Variants in TRRAP observed in about 807,000 individuals in gnomAD.
TRRAP encodes transformation/transcription domain associated protein.
In TRRAP, 41 loss-of-function variants were observed where a neutral mutation model predicts 438.8. The observed-to-expected ratio is 0.09, with a 90% CI of 0.07 to 0.12. The LOEUF (loss-of-function observed/expected upper bound fraction) is 0.12, where lower values mean the gene tolerates loss of function less well. Ranked by LOEUF, TRRAP falls within the 10% of genes least tolerant of loss-of-function variation. The pLI is 1.00. For synonymous variants in TRRAP, 1,994 were observed against 1,962.9 expected (o/e 1.02, Z -0.42); for missense variants, 3,122 against 5,055.1 (o/e 0.62, Z 11.60).
Position 98,990,602 on chromosome 7 carries a change from T to C in TRRAP, c.9739T>C (p.Leu3247=), listed in dbSNP as rs1327172869. Residue 3247 remains leucine, a synonymous_variant, in exon 64 of 73, where the codon TTG becomes CTG. Coordinates refer to ENST00000456197, the MANE Select transcript of TRRAP (RefSeq NM_001375524.1). ...GGTTGGCTCGGAGGGAAAGCTGCTCTTGAACCTCATTAGCCAGGTGGGAAG... is the reference window on the plus strand; with the variant it reads ...GGTTGGCTCGGAGGGAAAGCTGCTCCTGAACCTCATTAGCCAGGTGGGAAG... The part of the protein sequence containing the change: ...CLVGSEGKLL[L]NLISQVGRVY... 3.7e-6 allele frequency: 6 copies of C among 1,613,802 alleles called. No homozygotes were observed. Among genetic ancestry groups the C allele is most frequent in the Non-Finnish European group, 5.1e-6 (6 of 1,179,794 alleles).
In TRRAP at chr7:98,921,959, C is replaced by T. The variant is rs781863727; in HGVS notation, c.2823+6C>T. 1.9e-6 allele frequency: 3 copies of T among 1,614,082 alleles called. No homozygotes were observed. The highest frequency in any genetic ancestry group is 2.5e-6 in the Non-Finnish European group (3 of 1,180,036). The stretch of plus-strand genomic sequence containing the variant: ...TCCAGCTCCCCATGGAGAAGGTAAG[C>T]TCTGTGACAATGTCGTTTCGTTTTA... On this transcript the variant is annotated splice_donor_region_variant and intron_variant, in intron 21 of 72. Transcript: ENST00000456197.
rs1028525975 is a variant in TRRAP, at chr7:98,978,919, G to A, written c.8634+15G>A. On this transcript the variant is annotated intron_variant, in intron 58 of 72. Coordinates refer to ENST00000456197, the MANE Select transcript of TRRAP (RefSeq NM_001375524.1). Reference sequence around the variant, plus strand: ...CGCTGGTGCAGGTGAGACGCCCCGGGGGCATCCCTGCCGCTGCCTGGGTCC... The same window carrying A: ...CGCTGGTGCAGGTGAGACGCCCCGGAGGCATCCCTGCCGCTGCCTGGGTCC... 4 of 1,613,080 alleles carry A rather than the reference G, an allele frequency of 2.5e-6. No individual in the cohort carries two copies. In the Admixed American group the frequency reaches 6.7e-5, roughly 27 times the overall value.
chr7:98,910,226 T>TCCCCCCC lies in TRRAP; in HGVS notation c.1523_1524insCCCCCCC (p.Pro511ThrfsTer64). On this transcript the variant is annotated frameshift_variant, in exon 15 of 73. Transcript: ENST00000456197. LOFTEE classifies it high-confidence loss of function. ...CCCCAGCCCCTGTCCCTGCCCCACC[T>TCCCCCCC]CCACCCCCGCCCCCACCCCCACCTG... 2 of 271,752 alleles carry TCCCCCCC rather than the reference T, an allele frequency of 7.4e-6. No individual in the cohort carries two copies. Among genetic ancestry groups the TCCCCCCC allele is most frequent in the Non-Finnish European group, 1.0e-5 (2 of 195,588 alleles). 16.8% of individuals were successfully genotyped at this position (271,752 alleles called of 1,614,324 possible).
chr7:98,891,865 T>TA (rs1231112752), intron 4 of TRRAP, among the ~76,000 whole-genome samples: 2 of 152,166 alleles, frequency 1.3e-5, no homozygotes, highest in Non-Finnish European at 2.9e-5. Context: ...AAATAACTTT[T>TA]AAAAAACGTT....
intron 67 of TRRAP, chr7:98,998,853 G>T: frequency 3.2e-6 from 1 of 316,382 alleles, no homozygotes; most frequent in Non-Finnish European, 6.0e-6. Flanking sequence ...CTGCTTGCAG[G>T]TATTCGTTTT....
chr7:98,931,115 A>C (rs1790304262), intron 25 of TRRAP, among the ~76,000 whole-genome samples: 1 of 152,196 alleles, frequency 6.6e-6, no homozygotes, highest in South Asian at 2.1e-4. Context: ...CTGTTTCCGG[A>C]GGAGCTGCAT....
At chr7:98,957,765 A>G (rs1434306399) in intron 43 of TRRAP, among the ~76,000 whole-genome samples, 2 of 152,018 alleles carry the variant, frequency 1.3e-5, no homozygotes, top group Non-Finnish European at 2.9e-5. Context: ...TCCCCATCAC[A>G]TGAGCCACTA....
At chr7:98,905,927 C>A (rs1176834255) in intron 12 of TRRAP, among the ~76,000 whole-genome samples, 5 of 152,150 alleles carry the variant, frequency 3.3e-5, no homozygotes, top group African/African-American at 1.2e-4. Context: ...CTGATTTATT[C>A]TTAATTTGAT....
chr7:98,928,470 C>G (rs1346326382), intron 23 of TRRAP, among the ~76,000 whole-genome samples: 1 of 152,162 alleles, frequency 6.6e-6, no homozygotes, highest in East Asian at 1.9e-4. Flanking sequence ...CGGGTCAATA[C>G]TGTACAATTT....
rs1019838784 is a variant in TRRAP, at chr7:98,984,508, C to T, written c.9288+150C>T. On this transcript the variant is annotated intron_variant, in intron 61 of 72. Transcript: ENST00000456197. ...CCTCAGTAAGGGGGAAACAGTCCTT[C>T]CAAAACACAAAAGGGAAAGGAAGCT... 4.1e-6 allele frequency: 4 copies of T among 984,324 alleles called. 1 individual carries two copies. The South Asian group carries it at 8.9e-5, about 22-fold the overall frequency. 61.0% of individuals were successfully genotyped at this position (984,324 alleles called of 1,614,324 possible). A position where few individuals can be genotyped will look rare whatever the true frequency, so the allele number is the denominator to read the frequency against.
At chr7:98,937,899 G>T in intron 30 of TRRAP, 79 bp downstream of exon 30, 1 of 1,434,132 alleles carries the variant, frequency 7.0e-7, no homozygotes, top group East Asian at 2.6e-5. Context: ...ATGCAGCTGG[G>T]CACAGTGGTT....
At position 98,983,430 on chromosome 7, in the gene TRRAP, T is replaced by C. The variant is rs2116762262; in HGVS notation, c.8993T>C (p.Ile2998Thr). 6.2e-6 allele frequency: 10 copies of C among 1,614,186 alleles called. No individual in the cohort carries two copies. Among genetic ancestry groups the C allele is most frequent in the Non-Finnish European group, 8.5e-6 (10 of 1,180,036 alleles). The change falls in exon 60 of 73, where the codon ATC becomes ACC. Residue 2998 changes from isoleucine to threonine, a missense_variant. By Grantham distance (89) the Ile-to-Thr change is moderately conservative. This residue lies in a region of TRRAP where 129 missense variants were observed against 279.2 expected (regional missense o/e 0.46). Coordinates refer to ENST00000456197, the MANE Select transcript of TRRAP (RefSeq NM_001375524.1). ...GACGACTTGTCCCACTGGAGCAGCA[T>C]CTTCATGTGGAGGCAGCATCATTAC... ...VSDDLSHWSS[I>T]FMWRQHHYQA...
At chr7:98,885,203 T>C (rs1247204777) in intron 3 of TRRAP, among the ~76,000 whole-genome samples, 1 of 151,970 alleles carries the variant, frequency 6.6e-6, no homozygotes, top group Non-Finnish European at 1.5e-5. Flanking sequence ...TGGGCTCAAG[T>C]GGTCCTCCTG....
chr7:98,985,715 G>C (rs1793120767), intron 62 of TRRAP, among the ~76,000 whole-genome samples: 1 of 152,206 alleles, frequency 6.6e-6, no homozygotes, highest in African/African-American at 2.4e-5. Flanking sequence ...AGTCTGTGGG[G>C]CTTGCATGTT....
At chr7:98,889,538 CTTT>C (rs72212667) in intron 3 of TRRAP, among the ~76,000 whole-genome samples, 3,808 of 77,860 alleles carry the variant, frequency 0.049, 71 homozygotes, top group South Asian at 0.18. Flanking sequence ...TCCTATTCTC[CTTT>C]TTTTTTTTTT....
rs782030555 is a variant in TRRAP at position 98,950,041 on chromosome 7, GTCT to G, written c.5136-15_5136-13del. 73 of 1,613,520 alleles carry G rather than the reference GTCT, an allele frequency of 4.5e-5. No individual in the cohort carries two copies. The highest frequency in any genetic ancestry group is 5.5e-5 in the Non-Finnish European group (65 of 1,179,850). On this transcript the variant is annotated intron_variant, in intron 37 of 72. Coordinates refer to ENST00000456197, the MANE Select transcript of TRRAP (RefSeq NM_001375524.1). ...AATGAAATTTGCTCTAAGTTAACCT[GTCT>G]TCTTCTTTTGACCCTCCAGAAGGAA...
intron 37 of TRRAP, 23 bp downstream of exon 37, chr7:98,949,864 C>A (rs1206930259): frequency 1.9e-6 from 3 of 1,604,580 alleles, no homozygotes; most frequent in Non-Finnish European, 2.6e-6. Flanking sequence ...TCCCGCCCTG[C>A]CCCGCGGGAC....
chr7:98,965,865 C>T lies in TRRAP; in HGVS notation c.7146C>T (p.Val2382=). 1 of 1,614,130 alleles carries T rather than the reference C, an allele frequency of 6.2e-7. No homozygotes were observed. The highest frequency in any genetic ancestry group is 8.5e-7 in the Non-Finnish European group (1 of 1,180,016). ...RAVVKIVEEW[V]KNNSPMAANQ... ...TGGTCAAAATCGTGGAAGAATGGGTCAAGAATAACTCCCCAATGGCAGCCA... is the reference window on the plus strand; with the variant it reads ...TGGTCAAAATCGTGGAAGAATGGGTTAAGAATAACTCCCCAATGGCAGCCA... The change falls in exon 49 of 73, where the codon GTC becomes GTT. Residue 2382 remains valine (V), a synonymous_variant. Transcript: ENST00000456197.
In TRRAP at chr7:98,945,782, T is replaced by C. The variant is rs1308748059; in HGVS notation, c.4509T>C (p.Ser1503=). 6.3e-7 allele frequency: 1 copy of C among 1,598,206 alleles called. No homozygotes were observed. Among genetic ancestry groups the C allele is most frequent in the African/African-American group, 1.3e-5 (1 of 74,930 alleles). ...SISECGRCPL[S]PFCQFEPAME... ...CCGAGTGCGGGAGATGTCCCTTGTC[T>C]CCATTCTGTCAGTTTGAGGTGAGAA... Residue 1503 remains serine, a synonymous_variant, in exon 32 of 73, where the codon TCT becomes TCC. Coordinates refer to ENST00000456197, the MANE Select transcript of TRRAP (RefSeq NM_001375524.1).
Sources: allele counts gnomAD v4.1 joint callset (sites outside exome capture counted in the v4.1 genomes callset), GRCh38; gene constraint gnomAD v4.1.1; regional missense constraint gnomAD v4.1.1; transcripts MANE v1.5; gene names NCBI Gene and HGNC (gene_info 2026-07-23, HGNC 2026-07-21).